IGSF11: variants seen among roughly 807,000 people sequenced by gnomAD.
IGSF11 encodes CXADR like 1.
Under a neutral mutation model 41.0 loss-of-function variants are expected in IGSF11, and 22 were observed. The observed-to-expected ratio is 0.54, with a 90% CI of 0.38 to 0.77. IGSF11 has a LOEUF of 0.77. IGSF11 is among the 30% of genes least tolerant of loss of function. IGSF11 has a pLI of 0.00. For missense variants in IGSF11, 444 were observed against 530.8 expected (o/e 0.84, Z 1.61); for synonymous variants, 219 against 201.3 (o/e 1.09, Z -0.74).
chr3:119,056,038 A>G (rs1419272452), intron 1 of IGSF11, among the ~76,000 whole-genome samples: 1 of 152,200 alleles, frequency 6.6e-6, no homozygotes, highest in Non-Finnish European at 1.5e-5. Context: ...TAAAATTGAC[A>G]CCCTAATATC....
chr3:119,126,485 TC>T (rs1004522125), intron 1 of IGSF11, among the ~76,000 whole-genome samples: 30 of 152,042 alleles, frequency 2.0e-4, no homozygotes, highest in Non-Finnish European at 4.1e-4. Flanking sequence ...CAAGTGGGTT[TC>T]CCCCCACAAA....
rs1036012272 is a variant in IGSF11, at chr3:118,930,339, G to A, written c.53-64C>T. On this transcript the variant is annotated intron_variant, in intron 1 of 6. Transcript: ENST00000393775. ...TTCCCAACAGTCCAAACTCCTTCAG[G>A]AAGGTTTGCGTGTTTTATGTTATCA... 3.4e-6 allele frequency: 5 copies of A among 1,471,322 alleles called. No individual in the cohort carries two copies. In the Admixed American group the frequency reaches 8.9e-5, roughly 26 times the overall value. The allele number at this position is 1,471,322 out of a possible 1,614,324, so 91.1% of individuals were successfully genotyped here.
chr3:119,051,084 C>G (rs190485336), intron 1 of IGSF11, among the ~76,000 whole-genome samples: 204 of 151,482 alleles, frequency 1.3e-3, no homozygotes, highest in African/African-American at 4.8e-3. Context: ...CAGCATGGCA[C>G]CTGTATACAT....
chr3:119,133,160 G>C (rs1334786449), intron 1 of IGSF11, among the ~76,000 whole-genome samples: 3 of 152,224 alleles, frequency 2.0e-5, no homozygotes, highest in Non-Finnish European at 2.9e-5. Flanking sequence ...AAAAGAACTA[G>C]AGAAGCAAGA....
At chr3:118,966,014 A>T (rs540252675) in intron 1 of IGSF11, among the ~76,000 whole-genome samples, 2 of 152,146 alleles carry the variant, frequency 1.3e-5, no homozygotes, top group African/African-American at 4.8e-5. Context: ...TGAGAAAAAA[A>T]AAAACAGAAG....
Position 118,913,841 on chromosome 3 carries a change from A to G in IGSF11, c.581-8123T>C, listed in dbSNP as rs116817568. Among the ~76,000 whole-genome samples, 487 of 152,388 alleles carry G rather than the reference A, an allele frequency of 3.2e-3. 3 individuals are homozygous for G. Among genetic ancestry groups the G allele is most frequent in the African/African-American group, 0.011 (476 of 41,596 alleles). ...AAAAATAAGGTGGAACAAATATACT[A>G]AAGCCAAGAAAATAACTAAAATGCA... is the stretch of plus-strand genomic sequence containing the variant. On this transcript the variant is annotated intron_variant, in intron 4 of 6. Coordinates refer to ENST00000393775, the MANE Select transcript of IGSF11 (RefSeq NM_001015887.3).
At chr3:118,924,607 T>C (rs1942125151) in intron 4 of IGSF11, among the ~76,000 whole-genome samples, 1 of 152,080 alleles carries the variant, frequency 6.6e-6, no homozygotes, top group Non-Finnish European at 1.5e-5. Flanking sequence ...GCAAAGAGTA[T>C]TCAAGTTGAA....
At position 119,000,729 on chromosome 3, in the gene IGSF11, A is replaced by G. The variant is rs1936737893; in HGVS notation, c.52+33802T>C. ...TTTGAAGACTCAAAGGGAGAAGGGC[A>G]TTAACAATTGCATTGAAACACATTG... On this transcript the variant is annotated intron_variant, in intron 1 of 6. Coordinates refer to ENST00000393775, the MANE Select transcript of IGSF11 (RefSeq NM_001015887.3). Among the ~76,000 whole-genome samples the G allele has an allele frequency of 3.3e-5, 5 of 152,288 alleles. No homozygotes were observed. The South Asian group carries it at 8.3e-4, about 25-fold the overall frequency.
intron 1 of IGSF11, among the ~76,000 whole-genome samples, chr3:119,134,304 A>G (rs1332815082): frequency 1.3e-5 from 2 of 152,192 alleles, no homozygotes; most frequent in Non-Finnish European, 2.9e-5. Context: ...ATGATTGTCT[A>G]TTTAGAAAAC....
At chr3:119,105,200 T>G (rs1342475288) in exon 1 of IGSF11, 5 of 1,599,778 alleles carry the variant, frequency 3.1e-6, no homozygotes, top group Non-Finnish European at 4.3e-6. Context: ...CATTTATTCT[T>G]CTTGCCTGAG....
intron 4 of IGSF11, among the ~76,000 whole-genome samples, chr3:118,916,839 T>C (rs1941170494): frequency 1.3e-5 from 2 of 151,470 alleles, no homozygotes; most frequent in Admixed American, 6.6e-5. Flanking sequence ...TATTCCAAAA[T>C]TGACCACATA....
chr3:119,001,512 G>A (rs899301250), intron 1 of IGSF11, among the ~76,000 whole-genome samples: 3 of 138,460 alleles, frequency 2.2e-5, no homozygotes, highest in South Asian at 2.3e-4. Flanking sequence ...GGGTACATGT[G>A]CACATTGTGC....
chr3:118,917,079 A>G lies in IGSF11; in HGVS notation c.580+9022T>C, dbSNP rs559251390. On this transcript the variant is annotated intron_variant, in intron 4 of 6. Transcript: ENST00000393775. Reference sequence around the variant, plus strand: ...ACCAATGAGAACAAAGACACAACATAGCAGAATCTCTGGGACGCATTCAAA... The same window carrying G: ...ACCAATGAGAACAAAGACACAACATGGCAGAATCTCTGGGACGCATTCAAA... Among the ~76,000 whole-genome samples, 11 of 152,326 alleles carry G rather than the reference A, an allele frequency of 7.2e-5. No homozygotes were observed. In the South Asian group the frequency reaches 2.3e-3, roughly 32 times the overall value.
chr3:119,052,349 G>A lies in IGSF11; in HGVS notation c.49+52795C>T, dbSNP rs1024033758. Among the ~76,000 whole-genome samples the A allele has an allele frequency of 6.6e-5, 10 of 151,420 alleles. 1 individual carries two copies. Among genetic ancestry groups the A allele is most frequent in the African/African-American group, 2.4e-4 (10 of 41,182 alleles). On this transcript the variant is annotated intron_variant, in intron 1 of 6. Coordinates refer to the IGSF11 transcript ENST00000354673. ...ACAAAAATTATCCAGGTGTGGTGGT[G>A]TGCGCCTATAATCCCAGCTACTCAG...
intron 1 of IGSF11, among the ~76,000 whole-genome samples, chr3:119,025,815 T>C (rs1559809529): frequency 6.6e-6 from 1 of 152,118 alleles, no homozygotes; most frequent in African/African-American, 2.4e-5. Flanking sequence ...GTATAGGGTA[T>C]ATGTACAAAG....
chr3:119,046,700 A>G (rs1246929460), intron 1 of IGSF11, among the ~76,000 whole-genome samples: 1 of 152,116 alleles, frequency 6.6e-6, no homozygotes, highest in Non-Finnish European at 1.5e-5. Flanking sequence ...TGTCAGATTC[A>G]CCAAAGTTGA....
chr3:118,936,280 G>C (rs1943268734), intron 1 of IGSF11, among the ~76,000 whole-genome samples: 1 of 152,022 alleles, frequency 6.6e-6, no homozygotes, highest in Non-Finnish European at 1.5e-5. Flanking sequence ...GCTGAGGCAG[G>C]CAGATCACTT....
At position 119,097,957 on chromosome 3, in the gene IGSF11, A is replaced by ATTTTTTTTTTTTTTTTTTTT. The variant is rs377746200; in HGVS notation, c.49+7167_49+7186dup. On this transcript the variant is annotated intron_variant, in intron 1 of 6. Transcript: ENST00000354673. Reference sequence around the variant, plus strand: ...AGGCACATGCCACCACATTCAGCTAATTTTTTTTTTTTTTTTTTTTTTTTT... The same window carrying ATTTTTTTTTTTTTTTTTTTT: ...AGGCACATGCCACCACATTCAGCTAATTTTTTTTTTTTTTTTTTTTTTTTTTTTTTTTTTTTTTTTTTTTT... Among the ~76,000 whole-genome samples the ATTTTTTTTTTTTTTTTTTTT allele has an allele frequency of 5.2e-3, 302 of 58,358 alleles. 43 individuals are homozygous for ATTTTTTTTTTTTTTTTTTTT. The highest frequency in any genetic ancestry group is 8.5e-3 in the Non-Finnish European group (249 of 29,258). 38.3% of individuals were successfully genotyped at this position (58,358 alleles called of 152,430 possible). A position where few individuals can be genotyped will look rare whatever the true frequency, so the allele number is the denominator to read the frequency against.
At chr3:119,062,838 C>T (rs1180220994) in intron 1 of IGSF11, among the ~76,000 whole-genome samples, 1 of 152,084 alleles carries the variant, frequency 6.6e-6, no homozygotes, top group Non-Finnish European at 1.5e-5. Context: ...TACAGGAACC[C>T]ACCCTCTGCT....
Sources: allele counts gnomAD v4.1 joint callset (sites outside exome capture counted in the v4.1 genomes callset), GRCh38; gene constraint gnomAD v4.1.1; transcripts MANE v1.5; gene names NCBI Gene and HGNC (gene_info 2026-07-23, HGNC 2026-07-21).